Variants in FXYD6 observed in about 807,000 individuals in gnomAD.
FXYD6 encodes the protein FXYD domain containing ion transport regulator 6.
In FXYD6, 7 loss-of-function variants were observed where a neutral mutation model predicts 16.7. The observed-to-expected ratio is 0.42, with a 90% CI of 0.24 to 0.79. The LOEUF is 0.79. FXYD6 is among the 30% of genes least tolerant of loss of function. The pLI is 0.28. For synonymous variants in FXYD6, 49 were observed against 43.0 expected, an observed-to-expected ratio of 1.14 and a Z score of -0.54; for missense variants, 111 against 116.2, an observed-to-expected ratio of 0.95 and a Z score of 0.21.
At chr11:117,839,396 A>T (rs1005137845) in intron 7 of FXYD6, 12 of 239,224 alleles carry the variant, frequency 5.0e-5, no homozygotes, top group Non-Finnish European at 7.3e-5. Context: ...TAAGGTGTTT[A>T]AAAAAACAAG....
At chr11:117,865,664 G>T (rs1444364307) in intron 1 of FXYD6, among the ~76,000 whole-genome samples, 9 of 151,928 alleles carry the variant, frequency 5.9e-5, no homozygotes, top group Admixed American at 5.9e-4. Flanking sequence ...GGTGGGTCAT[G>T]CCTGTAATCC....
chr11:117,850,689 C>T (rs1436788646), intron 1 of FXYD6, among the ~76,000 whole-genome samples: 1 of 151,790 alleles, frequency 6.6e-6, no homozygotes, highest in Non-Finnish European at 1.5e-5. Flanking sequence ...GGGGCGGTCT[C>T]ACTATGTTAC....
intron 5 of FXYD6, among the ~76,000 whole-genome samples, 193 bp from the exon 6 acceptor site, chr11:117,840,561 G>T (rs2056315010): frequency 6.6e-6 from 1 of 152,156 alleles, no homozygotes; most frequent in African/African-American, 2.4e-5. Context: ...AGACTCAGAG[G>T]GAACTTACAG....
At chr11:117,865,754 C>T (rs1224974707) in intron 1 of FXYD6, among the ~76,000 whole-genome samples, 1 of 152,128 alleles carries the variant, frequency 6.6e-6, no homozygotes, top group Non-Finnish European at 1.5e-5. Flanking sequence ...GGCGAAACTC[C>T]ATCTCTACTA....
chr11:117,862,197 G>C (rs1245598640), intron 1 of FXYD6, among the ~76,000 whole-genome samples: 1 of 152,252 alleles, frequency 6.6e-6, no homozygotes, highest in Admixed American at 6.5e-5. Context: ...AACTGAGCTG[G>C]AAAATGGGAA....
At position 117,841,821 on chromosome 11, in the gene FXYD6, G is replaced by A; in HGVS notation, c.142C>T (p.Leu48Phe). 1 of 1,613,924 alleles carries A rather than the reference G, an allele frequency of 6.2e-7. No homozygotes were observed. The highest frequency in any genetic ancestry group is 8.5e-7 in the Non-Finnish European group (1 of 1,180,004). Residue 48 changes from leucine (L) to phenylalanine (F), a missense_variant, in exon 4 of 8, where the codon CTC (leucine) becomes TTC (phenylalanine). By Grantham distance (22) the Leu-to-Phe change is conservative (BLOSUM62 0). Transcript: ENST00000526014. ...ATAAGGAGGATCCCAACCGAGAAGA[G>A]GACCACAGCGAACACCAGTCCCCCA... ...RIGGLVFAVV[L>F]FSVGILLILS...
At chr11:117,875,102 C>CTGTG (rs35917427) in intron 1 of FXYD6, among the ~76,000 whole-genome samples, 4,175 of 150,576 alleles carry the variant, frequency 0.028, 199 homozygotes, top group African/African-American at 0.095. Context: ...TTTAGATGTA[C>CTGTG]TGTGTGTGTG....
At chr11:117,858,723 C>CCCTCCCTTCCTT (rs1555046937) in intron 1 of FXYD6, among the ~76,000 whole-genome samples, 2 of 41,240 alleles carry the variant, frequency 4.8e-5, no homozygotes, top group Non-Finnish European at 9.4e-5. Context: ...CTCCTTCCTT[C>CCCTCCCTTCCTT]CCTTCCTTCC....
chr11:117,861,698 T>C (rs1481531514), intron 1 of FXYD6, among the ~76,000 whole-genome samples: 1 of 152,204 alleles, frequency 6.6e-6, no homozygotes, highest in Non-Finnish European at 1.5e-5. Flanking sequence ...TAAACAGAGA[T>C]AGGGGCTAGG....
chr11:117,853,051 A>T (rs1021901271), intron 1 of FXYD6, among the ~76,000 whole-genome samples: 6 of 152,148 alleles, frequency 3.9e-5, no homozygotes, highest in African/African-American at 1.4e-4. Context: ...TTCTTTCAAC[A>T]TTTCTTACAG....
chr11:117,840,371 G>A lies in FXYD6; in HGVS notation c.210-3C>T, dbSNP rs1479368199. ...GGGCTTCCTCATCTCCTGGGGCCCT[G>A]CAGGAGAAAGAGACACACAGCCCCA... On this transcript the variant is annotated splice_region_variant and splice_polypyrimidine_tract_variant and intron_variant, in intron 5 of 7. Transcript: ENST00000526014. 1 of 1,614,044 alleles carries A rather than the reference G, an allele frequency of 6.2e-7. No homozygotes were observed. Among genetic ancestry groups the A allele is most frequent in the Non-Finnish European group, 8.5e-7 (1 of 1,180,030 alleles).
At chr11:117,860,162 G>C (rs1740931050) in intron 1 of FXYD6, among the ~76,000 whole-genome samples, 1 of 152,174 alleles carries the variant, frequency 6.6e-6, no homozygotes, top group African/African-American at 2.4e-5. Context: ...GAGTCTTCCT[G>C]CTATGAGTAG....
intron 5 of FXYD6, 72 bp downstream of exon 5, chr11:117,841,076 G>A (rs2056328994): frequency 6.3e-7 from 1 of 1,587,792 alleles, no homozygotes; most frequent in Non-Finnish European, 8.6e-7. Context: ...CCATTTGGGG[G>A]TCACACACCA....
At chr11:117,858,703 C>CTTTCTTTCTTTCTTTCTT (rs72107481) in intron 1 of FXYD6, among the ~76,000 whole-genome samples, 12 of 95,366 alleles carry the variant, frequency 1.3e-4, no homozygotes, top group Non-Finnish European at 2.0e-4. Context: ...TTCTTTCTTT[C>CTTTCTTTCTTTCTTTCTT]TCTCTCTCTC....
rs1161726786 is a variant in FXYD6 at position 117,872,918 on chromosome 11, G to A, written c.-6+3674C>T. 6.6e-5 allele frequency among the ~76,000 whole-genome samples: 10 copies of A among 152,248 alleles called. No individual in the cohort carries two copies. The highest frequency in any genetic ancestry group is 3.3e-4 in the Admixed American group (5 of 15,306). ...ACTGTGTTCCCGACCGGCCCCTCTC[G>A]TTGCAACTCTCCAGCTGGCCAGGGG... On this transcript the variant is annotated intron_variant, in intron 1 of 7. Coordinates refer to ENST00000526014, the MANE Select transcript of FXYD6 (RefSeq NM_022003.4). The surrounding 1 kb of genome is among the most constrained non-coding windows in gnomAD (Gnocchi z 4.9).
At chr11:117,850,915 C>CA (rs1033660573) in intron 1 of FXYD6, among the ~76,000 whole-genome samples, 2 of 151,488 alleles carry the variant, frequency 1.3e-5, no homozygotes, top group Admixed American at 1.3e-4. Context: ...TAAAAAAGAC[C>CA]AAAAAAATTC....
At chr11:117,862,231 A>C (rs932625436) in intron 1 of FXYD6, among the ~76,000 whole-genome samples, 1 of 152,258 alleles carries the variant, frequency 6.6e-6, no homozygotes, top group African/African-American at 2.4e-5. Flanking sequence ...TGGTGAAGCC[A>C]GGAGAGGTGG....
rs531987086 is a variant in FXYD6 at position 117,838,047 on chromosome 11, AC to A, written c.*251del. The A allele has an allele frequency of 1.8e-3, 1,121 of 609,624 alleles. 11 individuals are homozygous for A. In the African/African-American group the frequency reaches 0.019, roughly 10 times the overall value. The allele number at this position is 609,624 out of a possible 1,614,324, so 37.8% of individuals were successfully genotyped here. A position where few individuals can be genotyped will look rare whatever the true frequency, so the allele number is the denominator to read the frequency against. On this transcript the variant is annotated 3_prime_UTR_variant, in exon 8 of 8. Coordinates refer to ENST00000526014, the MANE Select transcript of FXYD6 (RefSeq NM_022003.4). ...AGTTAGCAAACACACACAGTCACAC[AC>A]ACACACACACACACACACATCACGG...
chr11:117,844,906 T>G (rs1353717294), intron 1 of FXYD6, among the ~76,000 whole-genome samples: 1 of 152,250 alleles, frequency 6.6e-6, no homozygotes, highest in East Asian at 1.9e-4. Context: ...TGTATAACAC[T>G]GTACAGCATA....
Sources: allele counts gnomAD v4.1 joint callset (sites outside exome capture counted in the v4.1 genomes callset), GRCh38; gene constraint gnomAD v4.1.1; non-coding constraint Gnocchi (gnomAD v3.1); transcripts MANE v1.5; gene names NCBI Gene and HGNC (gene_info 2026-07-23, HGNC 2026-07-21).